The following FOXA3 variants were observed in gnomAD, a reference collection of about 807,000 sequenced individuals.
FOXA3 encodes hepatocyte nuclear factor 3-gamma.
Under a neutral mutation model 16.9 loss-of-function variants are expected in FOXA3, and 11 were observed. The observed-to-expected ratio is 0.65, with a 90% CI of 0.41 to 1.08. FOXA3 has a LOEUF of 1.08. FOXA3 is among the 50% of genes least tolerant of loss of function. The pLI is 0.00. For synonymous variants in FOXA3, 217 were observed against 203.3 expected, an observed-to-expected ratio of 1.07 and a Z score of -0.57; for missense variants, 423 against 470.1, an observed-to-expected ratio of 0.90 and a Z score of 0.93.
At position 45,873,131 on chromosome 19, in the gene FOXA3, G is replaced by C; in HGVS notation, c.*73G>C. The C allele has an allele frequency of 6.5e-7, 1 of 1,549,182 alleles. No individual in the cohort carries two copies. Among genetic ancestry groups the C allele is most frequent in the Non-Finnish European group, 8.7e-7 (1 of 1,146,082 alleles). Reference sequence around the variant, plus strand: ...AAGCTCTTGGGGCCTGATCCTTCTGGTGACACTTCACTTGTCCCATTGGTT... The same window carrying C: ...AAGCTCTTGGGGCCTGATCCTTCTGCTGACACTTCACTTGTCCCATTGGTT... On this transcript the variant is annotated 3_prime_UTR_variant, in exon 2 of 2. Coordinates refer to ENST00000302177, the MANE Select transcript of FOXA3 (RefSeq NM_004497.3).
In FOXA3 at chr19:45,872,266, C is replaced by A. The variant is rs1422633892; in HGVS notation, c.261C>A (p.Ser87Arg). 6 of 1,611,076 alleles carry A rather than the reference C, an allele frequency of 3.7e-6. No homozygotes were observed. The highest frequency in any genetic ancestry group is 5.1e-6 in the Non-Finnish European group (6 of 1,177,676). The change falls in exon 2 of 2, where the codon AGC becomes AGA. Residue 87 changes from serine to arginine, a missense_variant. Transcript: ENST00000302177. This position sits in a 1 kb window ranked among gnomAD's most constrained non-coding sequence, Gnocchi z 4.5. ...CAGGCCTGGGTGTCAGCGGTGGCAG[C>A]AGCAGCTCCGGGTACGGGGCCCCGG... is the stretch of plus-strand genomic sequence containing the variant. ...TFPGLGVSGGSSSSGYGAPGP... is the reference protein window; with the variant it reads ...TFPGLGVSGGRSSSGYGAPGP...
rs1465882485 is a variant in FOXA3 at position 45,872,695 on chromosome 19, C to T, written c.690C>T (p.Thr230=). ...GGGGCAGCGGGGCTGCCACCACCACCAGGAACGGGACAGGGTCTGCTGCCT... is the reference window on the plus strand; with the variant it reads ...GGGGCAGCGGGGCTGCCACCACCACTAGGAACGGGACAGGGTCTGCTGCCT... ...KKGGSGAATT[T]RNGTGSAAST... Residue 230 remains threonine (T), a synonymous_variant, in exon 2 of 2, where the codon ACC becomes ACT. Transcript: ENST00000302177. The surrounding 1 kb of genome is among the most constrained non-coding windows in gnomAD (Gnocchi z 4.5). The T allele has an allele frequency of 6.2e-7, 1 of 1,609,834 alleles. No individual in the cohort carries two copies. The highest frequency in any genetic ancestry group is 1.1e-5 in the South Asian group (1 of 90,744).
At chr19:45,867,324 G>A (rs1972092923) in intron 1 of FOXA3, among the ~76,000 whole-genome samples, 1 of 152,006 alleles carries the variant, frequency 6.6e-6, no homozygotes, top group Non-Finnish European at 1.5e-5. Context: ...ACCAACCAGC[G>A]GGAGAGCCTG....
chr19:45,872,671 G>A lies in FOXA3; in HGVS notation c.666G>A (p.Gly222=). ...AGCTGGAGGAGAAGGTGAAAAAAGG[G>A]GGCAGCGGGGCTGCCACCACCACCA... ...RFKLEEKVKK[G]GSGAATTTRN... is the part of the protein sequence containing the mutation. The change falls in exon 2 of 2, where the codon GGG becomes GGA. Residue 222 remains glycine (G), a synonymous_variant. Transcript: ENST00000302177. This position sits in a 1 kb window ranked among gnomAD's most constrained non-coding sequence, Gnocchi z 4.5. 1 of 1,611,868 alleles carries A rather than the reference G, an allele frequency of 6.2e-7. No individual in the cohort carries two copies. Among genetic ancestry groups the A allele is most frequent in the South Asian group, 1.1e-5 (1 of 90,922 alleles).
intron 1 of FOXA3, among the ~76,000 whole-genome samples, chr19:45,865,362 T>TG (rs1275072921): frequency 6.6e-6 from 1 of 151,602 alleles, no homozygotes; most frequent in Non-Finnish European, 1.5e-5. Context: ...TTCCCTGGAG[T>TG]GGGGGGTGGC....
chr19:45,867,123 G>C (rs8103278), intron 1 of FOXA3, among the ~76,000 whole-genome samples: 11 of 151,754 alleles, frequency 7.2e-5, no homozygotes, highest in African/African-American at 2.7e-4. Flanking sequence ...GAGGACTTCC[G>C]GGTGGGTGGG....
chr19:45,869,179 C>T lies in FOXA3; in HGVS notation c.70-2896C>T, dbSNP rs531753921. 1.5e-4 allele frequency among the ~76,000 whole-genome samples: 23 copies of T among 151,376 alleles called. No homozygotes were observed. In the South Asian group the frequency reaches 4.6e-3, roughly 30 times the overall value. On this transcript the variant is annotated intron_variant, in intron 1 of 1. Transcript: ENST00000302177. Reference sequence around the variant, plus strand: ...CGACCTCAAGCGATCCGCACCCCCACCCCCCCCACCTCAGCCTCCCAAAGT... The same window carrying T: ...CGACCTCAAGCGATCCGCACCCCCATCCCCCCCACCTCAGCCTCCCAAAGT...
intron 1 of FOXA3, among the ~76,000 whole-genome samples, chr19:45,867,211 G>C (rs1248782011): frequency 6.6e-6 from 1 of 152,026 alleles, no homozygotes; most frequent in African/African-American, 2.4e-5. Context: ...TTGCAGAAAT[G>C]GGGGGTGGAG....
rs1600546629 is a variant in FOXA3, at chr19:45,864,525, G to A, written c.69G>A (p.Glu23=). 1 of 1,544,652 alleles carries A rather than the reference G, an allele frequency of 6.5e-7. No individual in the cohort carries two copies. ...AEWSYYPEAG[E]VYSPVTPVPT... ...GGAGCTACTACCCGGAGGCGGGCGAGGTGTGTCCTCGGGGATGGCGGAGCG... is the reference window on the plus strand; with the variant it reads ...GGAGCTACTACCCGGAGGCGGGCGAAGTGTGTCCTCGGGGATGGCGGAGCG... Residue 23 remains glutamate (E), a splice_region_variant and synonymous_variant, in exon 1 of 2, where the codon GAG becomes GAA. Transcript: ENST00000302177.
intron 1 of FOXA3, among the ~76,000 whole-genome samples, chr19:45,870,660 C>G (rs1023004046): frequency 6.7e-6 from 1 of 150,092 alleles, no homozygotes; most frequent in Non-Finnish European, 1.5e-5. Flanking sequence ...GCCTCAGACT[C>G]CTGGGCTCAA....
Position 45,873,052 on chromosome 19 carries a change from A to G in FOXA3, c.1047A>G (p.Ala349=). Reference sequence around the variant, plus strand: ...TCTATTCCCGCTCTTTGCTTAATGCATCCTAGCAGGGGTTGGGAACATGGT... The same window carrying G: ...TCTATTCCCGCTCTTTGCTTAATGCGTCCTAGCAGGGGTTGGGAACATGGT... ...QGLYSRSLLN[A]S is the part of the protein sequence containing the mutation. Residue 349 remains alanine (A), a synonymous_variant, in exon 2 of 2, where the codon GCA becomes GCG. Transcript: ENST00000302177. 1.9e-6 allele frequency: 3 copies of G among 1,590,998 alleles called. No individual in the cohort carries two copies. The highest frequency in any genetic ancestry group is 2.6e-6 in the Non-Finnish European group (3 of 1,168,186).
intron 1 of FOXA3, among the ~76,000 whole-genome samples, chr19:45,866,822 T>C (rs1972089171): frequency 6.6e-6 from 1 of 152,296 alleles, no homozygotes; most frequent in East Asian, 1.9e-4. Context: ...CGCAGAACAC[T>C]GGGGTCCTGG....
intron 1 of FOXA3, among the ~76,000 whole-genome samples, chr19:45,868,490 G>T (rs1972106288): frequency 6.6e-6 from 1 of 151,014 alleles, no homozygotes; most frequent in South Asian, 2.1e-4. Flanking sequence ...TGAGGCAGGA[G>T]AATCGCTTGA....
chr19:45,866,500 G>C (rs1972086699), intron 1 of FOXA3, among the ~76,000 whole-genome samples: 1 of 152,116 alleles, frequency 6.6e-6, no homozygotes, highest in Non-Finnish European at 1.5e-5. Flanking sequence ...AATGGAAATG[G>C]TTGGGTGATA....
At chr19:45,869,235 T>G (rs1972112921) in intron 1 of FOXA3, among the ~76,000 whole-genome samples, 1 of 149,466 alleles carries the variant, frequency 6.7e-6, no homozygotes, top group Admixed American at 6.7e-5. Flanking sequence ...CCACCGCAAC[T>G]GGCCTAGTCA....
At chr19:45,868,453 G>GT (rs1373390935) in intron 1 of FOXA3, among the ~76,000 whole-genome samples, 10 of 152,034 alleles carry the variant, frequency 6.6e-5, no homozygotes, top group Admixed American at 3.9e-4. Context: ...TGTGGTGCGT[G>GT]CCCGTAATCC....
chr19:45,873,109 C>A lies in FOXA3; in HGVS notation c.*51C>A. Reference sequence around the variant, plus strand: ...TATGGCTGGAGCTCACACCACGAAGCTCTTGGGGCCTGATCCTTCTGGTGA... The same window carrying A: ...TATGGCTGGAGCTCACACCACGAAGATCTTGGGGCCTGATCCTTCTGGTGA... On this transcript the variant is annotated 3_prime_UTR_variant, in exon 2 of 2. Transcript: ENST00000302177. The A allele has an allele frequency of 6.4e-7, 1 of 1,553,772 alleles. No homozygotes were observed. Among genetic ancestry groups the A allele is most frequent in the Non-Finnish European group, 8.7e-7 (1 of 1,148,204 alleles).
chr19:45,864,659 C>A, intron 1 of FOXA3, 134 bp downstream of exon 1: 1 of 647,010 alleles, frequency 1.5e-6, no homozygotes, highest in Non-Finnish European at 2.3e-6. Context: ...ACTGGGAACA[C>A]GGAGACCAGG....
chr19:45,872,578 G>A lies in FOXA3; in HGVS notation c.573G>A (p.Trp191Ter). 6.2e-7 allele frequency: 1 copy of A among 1,614,174 alleles called. No individual in the cohort carries two copies. The highest frequency in any genetic ancestry group is 8.5e-7 in the Non-Finnish European group (1 of 1,180,014). Residue 191 changes from tryptophan to a stop codon, truncating the protein, a stop_gained, in exon 2 of 2, where the codon TGG becomes TGA. Coordinates refer to ENST00000302177, the MANE Select transcript of FOXA3 (RefSeq NM_004497.3). LOFTEE classifies it low-confidence loss of function (END_TRUNC). The surrounding 1 kb of genome is among the most constrained non-coding windows in gnomAD (Gnocchi z 4.5). The stretch of plus-strand genomic sequence containing the variant: ...ACAAGCCTGGCAAGGGCTCCTACTG[G>A]GCCCTACACCCCAGCTCAGGGAACA... ...SPDKPGKGSY[W>*]ALHPSSGNMF... is the part of the protein sequence containing the mutation.
Sources: allele counts gnomAD v4.1 joint callset (sites outside exome capture counted in the v4.1 genomes callset), GRCh38; gene constraint gnomAD v4.1.1; non-coding constraint Gnocchi (gnomAD v3.1); transcripts MANE v1.5; gene names NCBI Gene and HGNC (gene_info 2026-07-23, HGNC 2026-07-21).